EFNA5: variants seen among roughly 807,000 people sequenced by gnomAD.
EFNA5 encodes the protein ephrin A5, also known as ephrin-A5.
EFNA5 carries 5 observed loss-of-function variants against 22.9 expected under a neutral mutation model. That is an observed-to-expected ratio of 0.22 (90% CI 0.11 to 0.46). The LOEUF (loss-of-function observed/expected upper bound fraction) is 0.46. EFNA5 is among the 20% of genes least tolerant of loss of function. The pLI is 0.99. For missense variants in EFNA5, 237 were observed against 293.3 expected (o/e 0.81, Z 1.40); for synonymous variants, 113 against 112.2 (o/e 1.01, Z -0.04).
intron 1 of EFNA5, among the ~76,000 whole-genome samples, chr5:107,661,236 A>T (rs188844611): frequency 9.9e-5 from 15 of 152,276 alleles, no homozygotes; most frequent in Admixed American, 2.0e-4. Context: ...TTATCCCAAC[A>T]TGTTGAATAA....
intron 1 of EFNA5, among the ~76,000 whole-genome samples, chr5:107,441,269 G>C (rs1749250374): frequency 6.6e-6 from 1 of 152,158 alleles, no homozygotes; most frequent in South Asian, 2.1e-4. Context: ...ACGTGATTAG[G>C]GAAAATAACA....
intron 1 of EFNA5, among the ~76,000 whole-genome samples, chr5:107,500,426 T>A (rs958172728): frequency 3.3e-5 from 5 of 152,206 alleles, no homozygotes; most frequent in African/African-American, 1.2e-4. Context: ...TTTGCCAGGG[T>A]AAGCCTAGTC....
intron 1 of EFNA5, among the ~76,000 whole-genome samples, chr5:107,437,594 G>A (rs1003671545): frequency 2.2e-4 from 33 of 152,096 alleles, no homozygotes; most frequent in Admixed American, 7.2e-4. Flanking sequence ...TATTTTTTAC[G>A]TATAGATCTC....
At chr5:107,470,575 A>C (rs1750112614) in intron 1 of EFNA5, among the ~76,000 whole-genome samples, 1 of 152,216 alleles carries the variant, frequency 6.6e-6, no homozygotes, top group African/African-American at 2.4e-5. Flanking sequence ...TTTTCTCCTA[A>C]TGATGCATAG....
At chr5:107,438,531 G>A (rs751124652) in intron 1 of EFNA5, among the ~76,000 whole-genome samples, 1 of 152,206 alleles carries the variant, frequency 6.6e-6, no homozygotes. Flanking sequence ...GCCTCAGCTA[G>A]ACTGAGATAT....
At position 107,617,196 on chromosome 5, in the gene EFNA5, T is replaced by C. The variant is rs566310121; in HGVS notation, c.125+53293A>G. On this transcript the variant is annotated intron_variant, in intron 1 of 4. Transcript: ENST00000333274. The stretch of plus-strand genomic sequence containing the variant: ...TAAAAAAACTAAACATTACACATAC[T>C]TACATGTGCACATACACACACACAC... 1.9e-4 allele frequency among the ~76,000 whole-genome samples: 26 copies of C among 133,512 alleles called. 1 individual carries two copies. The South Asian group carries it at 2.3e-3, about 12-fold the overall frequency. 87.6% of individuals were successfully genotyped at this position (133,512 alleles called of 152,430 possible).
chr5:107,610,518 T>C (rs1041164583), intron 1 of EFNA5, among the ~76,000 whole-genome samples: 1 of 152,210 alleles, frequency 6.6e-6, no homozygotes, highest in Non-Finnish European at 1.5e-5. Context: ...ACATGATACT[T>C]TGTCTCTATG....
chr5:107,606,296 A>C (rs771910195), intron 1 of EFNA5, among the ~76,000 whole-genome samples: 154 of 152,270 alleles, frequency 1.0e-3, no homozygotes, highest in Non-Finnish European at 1.8e-3. Context: ...ATTTGCCTAC[A>C]CATAAGGCTT....
chr5:107,484,091 G>A (rs886742087), intron 1 of EFNA5, among the ~76,000 whole-genome samples: 2 of 152,142 alleles, frequency 1.3e-5, no homozygotes, highest in South Asian at 4.1e-4. Context: ...CTGCCTTAAA[G>A]TTCACTCTGT....
chr5:107,574,344 T>C (rs899096460), intron 1 of EFNA5, among the ~76,000 whole-genome samples: 1 of 142,046 alleles, frequency 7.0e-6, no homozygotes, highest in African/African-American at 2.7e-5. Context: ...ATTGTAACAA[T>C]ACTAGGAGCC....
At position 107,611,173 on chromosome 5, in the gene EFNA5, T is replaced by C. The variant is rs535313519; in HGVS notation, c.125+59316A>G. Reference sequence around the variant, plus strand: ...CACAGCTTTATCACTCCACCACGCATATGAAGCCAGAGCCCACCGACAAAA... The same window carrying C: ...CACAGCTTTATCACTCCACCACGCACATGAAGCCAGAGCCCACCGACAAAA... On this transcript the variant is annotated intron_variant, in intron 1 of 4. Coordinates refer to ENST00000333274, the MANE Select transcript of EFNA5 (RefSeq NM_001962.3). 4.6e-5 allele frequency among the ~76,000 whole-genome samples: 7 copies of C among 152,048 alleles called. No individual in the cohort carries two copies. In the South Asian group the frequency reaches 1.0e-3, roughly 23 times the overall value.
At chr5:107,595,432 A>G (rs1228502100) in intron 1 of EFNA5, among the ~76,000 whole-genome samples, 1 of 152,160 alleles carries the variant, frequency 6.6e-6, no homozygotes, top group Non-Finnish European at 1.5e-5. Flanking sequence ...CTATCCTATA[A>G]AGCTTAAATA....
In EFNA5 at chr5:107,520,001, G is replaced by A. The variant is rs555594635; in HGVS notation, c.126-92492C>T. Among the ~76,000 whole-genome samples, 5 of 152,260 alleles carry A rather than the reference G, an allele frequency of 3.3e-5. No individual in the cohort carries two copies. The East Asian group carries it at 7.7e-4, about 23-fold the overall frequency. ...CATGCTTTGTTTCCTTTCTTTAAAGGGGGGAAACAGCCCTCCATTCATTTG... is the reference window on the plus strand; with the variant it reads ...CATGCTTTGTTTCCTTTCTTTAAAGAGGGGAAACAGCCCTCCATTCATTTG... On this transcript the variant is annotated intron_variant, in intron 1 of 4. Coordinates refer to ENST00000333274, the MANE Select transcript of EFNA5 (RefSeq NM_001962.3).
intron 1 of EFNA5, among the ~76,000 whole-genome samples, chr5:107,485,196 A>G (rs1746570662): frequency 6.6e-6 from 1 of 152,298 alleles, no homozygotes; most frequent in Admixed American, 6.5e-5. Flanking sequence ...TTTTGTCTGC[A>G]CTAGATGGTC....
At chr5:107,430,977 T>C (rs775327870) in intron 1 of EFNA5, among the ~76,000 whole-genome samples, 1 of 152,096 alleles carries the variant, frequency 6.6e-6, no homozygotes, top group Non-Finnish European at 1.5e-5. Context: ...GGTTTCACCA[T>C]GTTGGCCAGA....
intron 1 of EFNA5, among the ~76,000 whole-genome samples, chr5:107,565,496 GGGAA>G (rs1748646949): frequency 6.6e-6 from 1 of 152,058 alleles, no homozygotes; most frequent in Non-Finnish European, 1.5e-5. Flanking sequence ...ATGTTAGTCT[GGGAA>G]ATAATGTTTG....
intron 2 of EFNA5, among the ~76,000 whole-genome samples, chr5:107,397,161 G>A (rs1747948910): frequency 6.6e-6 from 1 of 152,058 alleles, no homozygotes; most frequent in African/African-American, 2.4e-5. Context: ...GCTGAGGTAG[G>A]AGGATCACCT....
At chr5:107,499,879 A>G (rs1162749167) in intron 1 of EFNA5, among the ~76,000 whole-genome samples, 2 of 152,206 alleles carry the variant, frequency 1.3e-5, no homozygotes, top group Non-Finnish European at 2.9e-5. Flanking sequence ...AAATAGGCCC[A>G]TGGAGACTGT....
intron 1 of EFNA5, among the ~76,000 whole-genome samples, chr5:107,601,489 A>T (rs1749593691): frequency 6.6e-6 from 1 of 152,216 alleles, no homozygotes; most frequent in African/African-American, 2.4e-5. Context: ...ACAAAATCAA[A>T]GGAGGTTAGG....
Sources: gnomAD v4.1 joint callset for allele counts (sites outside exome capture counted in the v4.1 genomes callset) on GRCh38, gnomAD v4.1.1 for gene constraint, MANE v1.5 for transcripts, NCBI Gene and HGNC (gene_info 2026-07-23, HGNC 2026-07-21) for gene names.